The following AFF2 variants were observed in gnomAD, a reference collection of about 807,000 sequenced individuals.
The protein encoded by AFF2 is ALF transcription elongation factor 2, also known as AF4/FMR2 family member 2.
Under a neutral mutation model 76.9 loss-of-function variants are expected in AFF2, and 14 were observed. The ratio of observed to expected loss-of-function variants is 0.18; its 90% CI spans 0.12 to 0.28. The LOEUF (loss-of-function observed/expected upper bound fraction) is 0.28. AFF2 is among the 10% of genes least tolerant of loss of function. AFF2 has a pLI of 1.00. For missense variants in AFF2, 868 were observed against 1,001.1 expected (o/e 0.87, Z 1.79); for synonymous variants, 398 against 366.7 (o/e 1.09, Z -0.98).
chrX:148,576,496 A>G (rs2053288842), intron 1 of AFF2, among the ~76,000 whole-genome samples: 1 of 111,751 alleles, frequency 8.9e-6, no homozygotes, highest in African/African-American at 3.3e-5. Flanking sequence ...TAACTTTCCT[A>G]TTTAGACTTG....
chrX:148,598,277 C>T (rs782361762), intron 1 of AFF2, among the ~76,000 whole-genome samples: 4 of 111,796 alleles, frequency 3.6e-5, no homozygotes, highest in East Asian at 5.6e-4. Flanking sequence ...AAAACTTTCA[C>T]GCCATCTTCC....
chrX:148,861,073 G>A (rs925625552), intron 7 of AFF2, among the ~76,000 whole-genome samples: 2 of 111,573 alleles, frequency 1.8e-5, no homozygotes, highest in Non-Finnish European at 3.8e-5. Flanking sequence ...TTTATTTGTG[G>A]CCACCAAGCA....
At chrX:148,772,534 C>T (rs1426949188) in intron 3 of AFF2, among the ~76,000 whole-genome samples, 11 of 61,956 alleles carry the variant, frequency 1.8e-4, no homozygotes, top group Admixed American at 2.5e-4. Context: ...TTTTTTCTTT[C>T]TTTCTTTCTT....
intron 7 of AFF2, among the ~76,000 whole-genome samples, chrX:148,871,352 A>T (rs2070973033): frequency 9.0e-6 from 1 of 111,020 alleles, no homozygotes; most frequent in Non-Finnish European, 1.9e-5. Context: ...CCAGTGAAGG[A>T]CCCGGCCTTG....
intron 1 of AFF2, among the ~76,000 whole-genome samples, chrX:148,623,555 C>G (rs782434528): frequency 9.3e-6 from 1 of 107,054 alleles, no homozygotes; most frequent in South Asian, 4.0e-4. Flanking sequence ...AATGTATTAT[C>G]ACTTCCATTA....
At position 148,837,746 on chromosome X, in the gene AFF2, C is replaced by T. The variant is rs2070545750; in HGVS notation, c.1173+13C>T. ...CATCCCAGGACAGGTCAGTTCTCTTCCTTCCTGCATTTTTGTTTGTCTTAT... is the reference window on the plus strand; with the variant it reads ...CATCCCAGGACAGGTCAGTTCTCTTTCTTCCTGCATTTTTGTTTGTCTTAT... On this transcript the variant is annotated intron_variant, in intron 5 of 20. Transcript: ENST00000370460. The T allele has an allele frequency of 9.0e-7, 1 of 1,105,495 alleles. No homozygotes were observed. The highest frequency in any genetic ancestry group is 1.2e-6 in the Non-Finnish European group (1 of 806,728). 91.1% of individuals were successfully genotyped at this position (1,105,495 alleles called of 1,213,427 possible).
At chrX:148,618,333 T>A in intron 1 of AFF2, among the ~76,000 whole-genome samples, 1 of 111,188 alleles carries the variant, frequency 9.0e-6, no homozygotes. Flanking sequence ...TCAGGAAACA[T>A]ACAGTCATGG....
At chrX:148,850,181 G>A (rs782582212) in intron 7 of AFF2, among the ~76,000 whole-genome samples, 1 of 111,327 alleles carries the variant, frequency 9.0e-6, no homozygotes, top group Non-Finnish European at 1.9e-5. Context: ...ATTGATTTTG[G>A]TGGCATATCC....
chrX:148,883,903 C>T (rs185223762), intron 7 of AFF2, among the ~76,000 whole-genome samples: 39 of 110,743 alleles, frequency 3.5e-4, no homozygotes, highest in Non-Finnish European at 7.0e-4. Flanking sequence ...CCTCTAAATG[C>T]AGGAATTATT....
intron 3 of AFF2, among the ~76,000 whole-genome samples, chrX:148,673,793 T>G (rs1433016497): frequency 2.7e-5 from 3 of 111,958 alleles, no homozygotes; most frequent in African/African-American, 9.7e-5. Context: ...TCAGGTTTAG[T>G]CCACAATGCT....
chrX:148,842,928 T>C, intron 5 of AFF2, 38 bp from the exon 6 acceptor site: 4 of 1,106,158 alleles, frequency 3.6e-6, no homozygotes, highest in Non-Finnish European at 4.9e-6. Flanking sequence ...CTTGTGTCAT[T>C]TAACTAATGT....
intron 7 of AFF2, among the ~76,000 whole-genome samples, chrX:148,847,925 T>C (rs2070687035): frequency 8.9e-6 from 1 of 111,773 alleles, no homozygotes; most frequent in African/African-American, 3.3e-5. Context: ...GTGTACACAG[T>C]CCAGTAGGAA....
intron 11 of AFF2, among the ~76,000 whole-genome samples, chrX:148,957,287 G>T (rs1351400638): frequency 2.7e-5 from 3 of 111,332 alleles, no homozygotes; most frequent in African/African-American, 9.8e-5. Context: ...TGCCACAGTG[G>T]CTAGAAAGGA....
At chrX:148,912,353 A>C (rs1415947703) in intron 9 of AFF2, among the ~76,000 whole-genome samples, 1 of 111,393 alleles carries the variant, frequency 9.0e-6, no homozygotes, top group Non-Finnish European at 1.9e-5. Context: ...CTCATTGTTC[A>C]ACTCCCACTT....
At position 148,648,818 on chromosome X, in the gene AFF2, T is replaced by G. The variant is rs2054173091; in HGVS notation, c.48-3181T>G. ...TTTTGAGTGGTCAGTTTTTATATTA[T>G]CATAATGTGACCAATTTTATTATAT... On this transcript the variant is annotated intron_variant, in intron 1 of 20. Coordinates refer to ENST00000370460, the MANE Select transcript of AFF2 (RefSeq NM_002025.4). Among the ~76,000 whole-genome samples, 3 of 110,947 alleles carry G rather than the reference T, an allele frequency of 2.7e-5. No homozygotes were observed. The Admixed American group carries it at 2.9e-4, about 11-fold the overall frequency.
At chrX:148,800,973 T>C (rs1411362814) in intron 3 of AFF2, among the ~76,000 whole-genome samples, 2 of 112,096 alleles carry the variant, frequency 1.8e-5, no homozygotes, top group African/African-American at 6.5e-5. Flanking sequence ...GAGTTCTCTG[T>C]GCTCCCAAAG....
chrX:148,677,821 G>A (rs2054502193), intron 3 of AFF2, among the ~76,000 whole-genome samples: 1 of 111,761 alleles, frequency 8.9e-6, no homozygotes, highest in South Asian at 3.7e-4. Context: ...CTTTGATTTT[G>A]GTGGAGTTGG....
chrX:148,553,502 G>T (rs1258348650), intron 1 of AFF2, among the ~76,000 whole-genome samples: 3 of 111,723 alleles, frequency 2.7e-5, no homozygotes, highest in Non-Finnish European at 1.9e-5. Context: ...TAAAAAAATT[G>T]TGGTAGAAAA....
chrX:148,971,747 C>CTCTTTTTTTTTT (rs2072256871), intron 15 of AFF2, among the ~76,000 whole-genome samples: 1 of 44,731 alleles, frequency 2.2e-5, no homozygotes, highest in African/African-American at 9.5e-5. Context: ...TTTTCTATTT[C>CTCTTTTTTTTTT]TTTTTTTTTT....
Sources: allele counts gnomAD v4.1 joint callset (sites outside exome capture counted in the v4.1 genomes callset), GRCh38; gene constraint gnomAD v4.1.1; transcripts MANE v1.5; gene names NCBI Gene and HGNC (gene_info 2026-07-23, HGNC 2026-07-21).